Variants in PTP4A3 observed in about 807,000 individuals in gnomAD.
PTP4A3 encodes the protein protein tyrosine phosphatase 4A3.
PTP4A3 carries 9 observed loss-of-function variants against 15.2 expected under a neutral mutation model. The ratio of observed to expected loss-of-function variants is 0.59; its 90% CI spans 0.36 to 1.03. PTP4A3 has a LOEUF of 1.03. Among genes scored for constraint, PTP4A3 ranks in the 50% least tolerant of loss-of-function variants. The pLI is 0.02. For missense variants in PTP4A3, 234 were observed against 252.1 expected, an observed-to-expected ratio of 0.93 and a Z score of 0.49; for synonymous variants, 95 against 102.0, an observed-to-expected ratio of 0.93 and a Z score of 0.41.
chr8:141,416,824 T>G (rs756624803), intron 1 of PTP4A3, among the ~76,000 whole-genome samples: 2 of 151,712 alleles, frequency 1.3e-5, no homozygotes, highest in Non-Finnish European at 2.9e-5. Flanking sequence ...GGTGATGTTT[T>G]CTGGAAGTGT....
chr8:141,412,000 T>A (rs1000523186), intron 1 of PTP4A3, among the ~76,000 whole-genome samples: 1 of 152,192 alleles, frequency 6.6e-6, no homozygotes, highest in Admixed American at 6.5e-5. Context: ...AGGACTGCTC[T>A]GAGGATGGAC....
chr8:141,415,193 T>C (rs1832991332), intron 1 of PTP4A3, among the ~76,000 whole-genome samples: 1 of 151,900 alleles, frequency 6.6e-6, no homozygotes, highest in South Asian at 2.1e-4. Flanking sequence ...CAGGTGGAAG[T>C]GGTGGGGATG....
rs755614445 is a variant in PTP4A3, at chr8:141,425,014, C to T, written c.106-34C>T. On this transcript the variant is annotated intron_variant, in intron 2 of 5. Coordinates refer to ENST00000521578, the MANE Select transcript of PTP4A3 (RefSeq NM_032611.3). This position sits in a 1 kb window ranked among gnomAD's most constrained non-coding sequence, Gnocchi z 4.2. Reference sequence around the variant, plus strand: ...TGCCCCCTGAGCCCTGCAGCCCCAGCCCAGCCCTGCCTCCTCCGTCCTCCC... The same window carrying T: ...TGCCCCCTGAGCCCTGCAGCCCCAGTCCAGCCCTGCCTCCTCCGTCCTCCC... 2.5e-6 allele frequency: 4 copies of T among 1,571,740 alleles called. No individual in the cohort carries two copies. The highest frequency in any genetic ancestry group is 2.7e-5 in the African/African-American group (2 of 74,058).
At chr8:141,407,259 C>T (rs764755787) in intron 1 of PTP4A3, among the ~76,000 whole-genome samples, 2 of 152,246 alleles carry the variant, frequency 1.3e-5, no homozygotes, top group Admixed American at 6.5e-5. Context: ...CCTTCACACA[C>T]GTGGGCACAA....
chr8:141,426,976 A>G lies in PTP4A3; in HGVS notation c.236A>G (p.Lys79Arg). Residue 79 changes from lysine to arginine, a missense_variant, in exon 4 of 6, where the codon AAG becomes AGG. Lys to Arg is a conservative substitution (Grantham distance 26). Coordinates refer to ENST00000521578, the MANE Select transcript of PTP4A3 (RefSeq NM_032611.3). ...PFDDGAPPPG[K>R]VVEDWLSLVK... ...GACGATGGGGCGCCCCCGCCCGGCA[A>G]GGTAGTGGAAGACTGGCTGAGCCTG... The G allele has an allele frequency of 6.2e-7, 1 of 1,609,514 alleles. No homozygotes were observed. Among genetic ancestry groups the G allele is most frequent in the Admixed American group, 1.7e-5 (1 of 59,992 alleles).
chr8:141,407,134 G>A (rs576989726), intron 1 of PTP4A3, among the ~76,000 whole-genome samples: 1 of 152,136 alleles, frequency 6.6e-6, no homozygotes, highest in Non-Finnish European at 1.5e-5. Context: ...GGCACAGCCC[G>A]GACAGAACCT....
intron 1 of PTP4A3, among the ~76,000 whole-genome samples, chr8:141,407,905 G>T (rs59741413): frequency 0.029 from 4,449 of 152,144 alleles, 157 homozygotes; most frequent in African/African-American, 0.079. Flanking sequence ...GAGGTTTTTT[G>T]TTGTTGTTGT....
chr8:141,417,860 C>T (rs1352692855), intron 1 of PTP4A3, among the ~76,000 whole-genome samples: 4 of 151,994 alleles, frequency 2.6e-5, no homozygotes, highest in Admixed American at 2.0e-4. Context: ...GGTCACGCCC[C>T]CCACGTGACG....
At chr8:141,401,141 C>T (rs1349057021) in intron 1 of PTP4A3, among the ~76,000 whole-genome samples, 2 of 152,182 alleles carry the variant, frequency 1.3e-5, no homozygotes, top group Non-Finnish European at 2.9e-5. Flanking sequence ...TCAGGGTCCC[C>T]TGGTGGCAGC....
intron 1 of PTP4A3, among the ~76,000 whole-genome samples, chr8:141,415,764 G>C (rs1178876515): frequency 7.5e-6 from 1 of 133,446 alleles, no homozygotes; most frequent in Non-Finnish European, 1.6e-5. Flanking sequence ...TGGGGAGAGG[G>C]TGTGGGGTGG....
At chr8:141,418,581 C>T (rs1414774854) in intron 1 of PTP4A3, among the ~76,000 whole-genome samples, 1 of 152,184 alleles carries the variant, frequency 6.6e-6, no homozygotes, top group Non-Finnish European at 1.5e-5. Flanking sequence ...CCTGCTGGCC[C>T]GAGGAGGCTG....
chr8:141,395,278 G>A (rs545324950), intron 1 of PTP4A3, among the ~76,000 whole-genome samples: 1 of 152,328 alleles, frequency 6.6e-6, no homozygotes, highest in African/African-American at 2.4e-5. Context: ...CCTTTGAGCT[G>A]CGCCAAGGCT....
In PTP4A3 at chr8:141,424,303, C is replaced by T. The variant is rs541914374; in HGVS notation, c.106-745C>T. Among the ~76,000 whole-genome samples the T allele has an allele frequency of 7.9e-5, 12 of 152,306 alleles. No homozygotes were observed. In the East Asian group the frequency reaches 2.3e-3, roughly 29 times the overall value. The stretch of plus-strand genomic sequence containing the variant: ...CGTGACCCCTGTGGAGTGGATCCTC[C>T]GCAGTGGGGGTATAACTATCGGCCT... On this transcript the variant is annotated intron_variant, in intron 2 of 5. Transcript: ENST00000521578.
intron 2 of PTP4A3, among the ~76,000 whole-genome samples, chr8:141,423,510 C>G (rs1357000667): frequency 2.0e-5 from 3 of 151,034 alleles, no homozygotes; most frequent in African/African-American, 7.3e-5. Context: ...GGGATCAGGG[C>G]TCAATGTGTG....
intron 1 of PTP4A3, among the ~76,000 whole-genome samples, chr8:141,415,620 A>AGGGCGGGGGGCAGGGGGCG (rs1450479418): frequency 1.7e-4 from 6 of 35,864 alleles, no homozygotes; most frequent in African/African-American, 6.2e-4. Flanking sequence ...ACGTGCGCGG[A>AGGGCGGGGGGCAGGGGGCG]GGGCGGGGGG....
At chr8:141,426,468 C>G in intron 3 of PTP4A3, 1 of 985,454 alleles carries the variant, frequency 1.0e-6, no homozygotes, top group Non-Finnish European at 1.2e-6. Flanking sequence ...TGTCTTCAGT[C>G]CTTCCTGGCA....
chr8:141,393,103 C>T (rs1832337964), intron 1 of PTP4A3, among the ~76,000 whole-genome samples: 1 of 152,206 alleles, frequency 6.6e-6, no homozygotes, highest in Non-Finnish European at 1.5e-5. Context: ...TGGCCTTGCA[C>T]AGACAGAAGC....
chr8:141,424,821 C>T (rs1458962050), intron 2 of PTP4A3, among the ~76,000 whole-genome samples: 2 of 152,162 alleles, frequency 1.3e-5, no homozygotes, highest in African/African-American at 4.8e-5. Flanking sequence ...CAGGGTCTGC[C>T]TGGCTGGAGG....
chr8:141,395,513 C>T (rs1305851086), intron 1 of PTP4A3, among the ~76,000 whole-genome samples: 1 of 152,188 alleles, frequency 6.6e-6, no homozygotes, highest in Non-Finnish European at 1.5e-5. Context: ...CTCAGGTTTA[C>T]CTTCCTCCTG....
Sources: allele counts gnomAD v4.1 joint callset (sites outside exome capture counted in the v4.1 genomes callset), GRCh38; gene constraint gnomAD v4.1.1; non-coding constraint Gnocchi (gnomAD v3.1); transcripts MANE v1.5; gene names NCBI Gene and HGNC (gene_info 2026-07-23, HGNC 2026-07-21).